Variants in SDF2 observed in about 807,000 individuals in gnomAD.
The protein encoded by SDF2 is stromal cell derived factor 2.
In SDF2, 12 loss-of-function variants were observed where a neutral mutation model predicts 20.5. The observed-to-expected ratio is 0.58, with a 90% confidence interval of 0.37 to 0.95. SDF2 has a LOEUF of 0.95. Ranked by LOEUF, SDF2 falls within the 40% of genes least tolerant of loss-of-function variation. The probability of loss-of-function intolerance (pLI) is 0.01; values close to 1 mark genes in which losing one functional copy is unlikely to be tolerated. For missense variants in SDF2, 238 were observed against 263.1 expected (o/e 0.90, Z 0.66); for synonymous variants, 100 against 101.0 (o/e 0.99, Z 0.06).
At position 28,648,978 on chromosome 17, in the gene SDF2, A is replaced by G. The variant is rs2071888629; in HGVS notation, c.*11T>C. The G allele has an allele frequency of 6.2e-7, 1 of 1,612,674 alleles. No individual in the cohort carries two copies. Among genetic ancestry groups the G allele is most frequent in the African/African-American group, 1.3e-5 (1 of 74,872 alleles). On this transcript the variant is annotated 3_prime_UTR_variant, in exon 3 of 3. Coordinates refer to ENST00000247020, the MANE Select transcript of SDF2 (RefSeq NM_006923.4). Reference sequence around the variant, plus strand: ...ACATTGTGCGTTAACAGTGGCTCAGAGCCTCTAGATTCACAGCTCTGCATG... The same window carrying G: ...ACATTGTGCGTTAACAGTGGCTCAGGGCCTCTAGATTCACAGCTCTGCATG...
At position 28,661,881 on chromosome 17, in the gene SDF2, A is replaced by C; in HGVS notation, c.-5T>G. ...CAGCAGAGGTACTACAGCCATCCTA[A>C]CTGTATCGCGGAGCCCCAAATCTTC... On this transcript the variant is annotated 5_prime_UTR_variant, in exon 1 of 3. Coordinates refer to ENST00000247020, the MANE Select transcript of SDF2 (RefSeq NM_006923.4). 1 of 1,596,154 alleles carries C rather than the reference A, an allele frequency of 6.3e-7. No homozygotes were observed. The highest frequency in any genetic ancestry group is 2.3e-5 in the East Asian group (1 of 44,348).
Position 28,649,108 on chromosome 17 carries a change from G to A in SDF2, c.517C>T (p.Gln173Ter), listed in dbSNP as rs2071890064. 2.5e-6 allele frequency: 4 copies of A among 1,614,100 alleles called. No homozygotes were observed. In the East Asian group the frequency reaches 8.9e-5, roughly 36 times the overall value. The change falls in exon 3 of 3, where the codon CAA becomes TAA. Residue 173 changes from glutamine (Q) to a stop codon, truncating the protein, a stop_gained. Transcript: ENST00000247020. LOFTEE classifies it high-confidence loss of function. ...GEQYGRPISG[Q>*]KEVHGMAQPS... ...TGGGCCATGCCATGCACCTCTTTTT[G>A]CCCACTGATAGGTCGACCATATTGT...
intron 1 of SDF2, 84 bp from the exon 2 acceptor site, chr17:28,655,567 T>C: frequency 1.7e-6 from 2 of 1,183,434 alleles, no homozygotes; most frequent in South Asian, 1.5e-5. Context: ...CGCTCAAGAT[T>C]CACCTTCACC....
Position 28,650,831 on chromosome 17 carries a change from A to C in SDF2, c.349-1555T>G, listed in dbSNP as rs948335840. 8.0e-5 allele frequency among the ~76,000 whole-genome samples: 12 copies of C among 150,322 alleles called. No individual in the cohort carries two copies. In the East Asian group the frequency reaches 9.7e-4, roughly 12 times the overall value. ...AAAAAAAAAAAAAAAAAAAAAAAAA[A>C]CAGTTAGGGTATCTTGCTCTGTTGC... On this transcript the variant is annotated intron_variant, in intron 2 of 2. Transcript: ENST00000247020.
At chr17:28,654,994 G>A (rs1018111099) in intron 2 of SDF2, among the ~76,000 whole-genome samples, 2 of 151,938 alleles carry the variant, frequency 1.3e-5, no homozygotes, top group Non-Finnish European at 2.9e-5. Flanking sequence ...GCCAGGCATG[G>A]TGGCATGCGC....
At chr17:28,661,670 C>G (rs1013138903) in intron 1 of SDF2, 56 bp downstream of exon 1, 1 of 1,569,382 alleles carries the variant, frequency 6.4e-7, no homozygotes, top group Admixed American at 1.7e-5. Flanking sequence ...TAGGCCCCGC[C>G]CCTCCAGAGC....
At chr17:28,657,461 G>A (rs1205913801) in intron 1 of SDF2, among the ~76,000 whole-genome samples, 4 of 151,552 alleles carry the variant, frequency 2.6e-5, no homozygotes, top group African/African-American at 2.4e-5. Context: ...GCAGTGGCAC[G>A]ATCACAGCTC....
intron 1 of SDF2, among the ~76,000 whole-genome samples, chr17:28,657,493 G>C (rs1483801420): frequency 1.3e-5 from 2 of 151,988 alleles, no homozygotes; most frequent in African/African-American, 4.8e-5. Context: ...GACCTCCCAG[G>C]CTCGGGTGAT....
chr17:28,649,984 C>T (rs1367498354), intron 2 of SDF2, among the ~76,000 whole-genome samples: 1 of 151,598 alleles, frequency 6.6e-6, no homozygotes, highest in Non-Finnish European at 1.5e-5. Flanking sequence ...CAGAGTATCG[C>T]TCTTGTTGCC....
intron 2 of SDF2, among the ~76,000 whole-genome samples, chr17:28,653,640 C>T (rs1379459837): frequency 6.6e-6 from 1 of 152,068 alleles, no homozygotes; most frequent in African/African-American, 2.4e-5. Context: ...GGTGAAACCC[C>T]GTCTCTACTG....
intron 1 of SDF2, among the ~76,000 whole-genome samples, chr17:28,659,487 C>T (rs1170946883): frequency 6.9e-6 from 1 of 145,348 alleles, no homozygotes; most frequent in African/African-American, 2.6e-5. Flanking sequence ...GGCAGAGGTG[C>T]TCCTCACCTC....
At chr17:28,662,040 A>G (rs557881449), upstream of SDF2, 1 of 724,396 alleles carries the variant, frequency 1.4e-6, no homozygotes, top group East Asian at 2.8e-5. Flanking sequence ...GAGCCTGGTT[A>G]CTTACGATAC....
intron 2 of SDF2, chr17:28,651,592 TGA>T (rs767577633): frequency 6.6e-6 from 1 of 152,224 alleles, no homozygotes; most frequent in Non-Finnish European, 1.5e-5. Context: ...GAGAATTAAA[TGA>T]GATAGCAAAT....
intron 1 of SDF2, 141 bp downstream of exon 1, chr17:28,661,585 T>C: frequency 1.2e-6 from 1 of 838,916 alleles, no homozygotes; most frequent in South Asian, 1.7e-5. Flanking sequence ...ACAATTCAGT[T>C]CTCCGACTCT....
intron 2 of SDF2, among the ~76,000 whole-genome samples, chr17:28,651,745 C>T (rs772455446): frequency 2.6e-5 from 4 of 152,012 alleles, no homozygotes; most frequent in Non-Finnish European, 4.4e-5. Flanking sequence ...AGTTTCTATA[C>T]GATGGCAATT....
chr17:28,659,726 G>A (rs557501871), intron 1 of SDF2, among the ~76,000 whole-genome samples: 11 of 148,636 alleles, frequency 7.4e-5, no homozygotes, highest in African/African-American at 2.0e-4. Context: ...ACGGGGTGGC[G>A]GCCGGGCAGA....
At chr17:28,659,412 A>C (rs2072000405) in intron 1 of SDF2, among the ~76,000 whole-genome samples, 1 of 144,032 alleles carries the variant, frequency 6.9e-6, no homozygotes, top group Non-Finnish European at 1.5e-5. Context: ...GCGGCCGGGC[A>C]GAGGCGCTCC....
intron 1 of SDF2, chr17:28,656,433 C>T (rs2071963304): frequency 6.6e-6 from 1 of 151,754 alleles, no homozygotes; most frequent in South Asian, 2.1e-4. Flanking sequence ...ACTAAAAATA[C>T]AAAAATTAGC....
Position 28,648,680 on chromosome 17 carries a change from G to C in SDF2, c.*309C>G. 2.5e-6 allele frequency: 1 copy of C among 395,146 alleles called. No homozygotes were observed. The highest frequency in any genetic ancestry group is 2.0e-5 in the African/African-American group (1 of 50,082). 24.5% of individuals were successfully genotyped at this position (395,146 alleles called of 1,614,324 possible). A position where few individuals can be genotyped will look rare whatever the true frequency, so the allele number is the denominator to read the frequency against. ...CAGTCCATGATGCCAAGCTCCTGAA[G>C]AGTAAAAGTTTCCCAGCTAAGAGGG... On this transcript the variant is annotated 3_prime_UTR_variant, in exon 3 of 3. Transcript: ENST00000247020.
Sources: allele counts gnomAD v4.1 joint callset (sites outside exome capture counted in the v4.1 genomes callset), GRCh38; gene constraint gnomAD v4.1.1; transcripts MANE v1.5; gene names NCBI Gene and HGNC (gene_info 2026-07-23, HGNC 2026-07-21).